The following ATP2A1 variants were observed in gnomAD, a reference collection of about 807,000 sequenced individuals.
The protein encoded by ATP2A1 is ATPase sarcoplasmic/endoplasmic reticulum Ca2+ transporting 1.
A neutral mutation model predicts 109.5 loss-of-function variants in ATP2A1; 83 were observed. The ratio of observed to expected loss-of-function variants is 0.76; its 90% CI spans 0.63 to 0.91. ATP2A1 has a LOEUF of 0.91. ATP2A1 is among the 40% of genes least tolerant of loss of function. ATP2A1 has a pLI of 0.00. For missense variants in ATP2A1, 1,101 were observed against 1,341.0 expected (o/e 0.82, Z 2.80); for synonymous variants, 505 against 537.6 (o/e 0.94, Z 0.84).
chr16:28,891,009 T>C (rs1395044833), intron 9 of ATP2A1, among the ~76,000 whole-genome samples: 1 of 151,266 alleles, frequency 6.6e-6, no homozygotes, highest in Admixed American at 6.6e-5. Flanking sequence ...TAAAAATACA[T>C]AGGAAGCTGG....
In ATP2A1 at chr16:28,898,543, T is replaced by C. The variant is rs144778561; in HGVS notation, c.1764+92T>C. 3.9e-5 allele frequency: 54 copies of C among 1,397,914 alleles called. No individual in the cohort carries two copies. The African/African-American group carries it at 7.2e-4, about 19-fold the overall frequency. 86.6% of individuals were successfully genotyped at this position (1,397,914 alleles called of 1,614,324 possible). A position where few individuals can be genotyped will look rare whatever the true frequency, so the allele number is the denominator to read the frequency against. On this transcript the variant is annotated intron_variant, in intron 14 of 22. Coordinates refer to ENST00000395503, the MANE Select transcript of ATP2A1 (RefSeq NM_004320.6). This position sits in a 1 kb window ranked among gnomAD's most constrained non-coding sequence, Gnocchi z 4.0. ...CAGCTCCACCACCCGGATCATTTCC[T>C]ACCTCGTCAGTCAAGTTGATGGCTC...
intron 3 of ATP2A1, chr16:28,879,902 G>A (rs954891937): frequency 5.3e-6 from 4 of 757,018 alleles, no homozygotes; most frequent in East Asian, 7.3e-5. Flanking sequence ...CGCGATGCCG[G>A]CTGCGGCGCG....
chr16:28,893,034 C>T (rs62037375), intron 9 of ATP2A1, among the ~76,000 whole-genome samples: 1 of 143,310 alleles, frequency 7.0e-6, no homozygotes, highest in Non-Finnish European at 1.5e-5. Context: ...AACTGCATCT[C>T]CAAAAAAAAA....
chr16:28,880,118 T>G lies in ATP2A1; in HGVS notation c.219+535T>G. ...CGGTCAGGGAGGGCACTGGCATCCC[T>G]CATTACCCGCCCAGCCTGGCCTTAG... On this transcript the variant is annotated intron_variant, in intron 3 of 22. Transcript: ENST00000395503. This position sits in a 1 kb window ranked among gnomAD's most constrained non-coding sequence, Gnocchi z 4.2. The G allele has an allele frequency of 1.0e-6, 1 of 996,844 alleles. No individual in the cohort carries two copies. Among genetic ancestry groups the G allele is most frequent in the Non-Finnish European group, 1.2e-6 (1 of 839,050 alleles). The allele number at this position is 996,844 out of a possible 1,614,324, so 61.7% of individuals were successfully genotyped here.
rs528114256 is a variant in ATP2A1 at position 28,900,977 on chromosome 16, G to A, written c.2100+61G>A. 4.8e-5 allele frequency: 76 copies of A among 1,599,506 alleles called. No individual in the cohort carries two copies. The African/African-American group carries it at 9.0e-4, about 19-fold the overall frequency. On this transcript the variant is annotated intron_variant, in intron 15 of 22. Coordinates refer to ENST00000395503, the MANE Select transcript of ATP2A1 (RefSeq NM_004320.6). ...ACGGAGATGACCAGATGACTGTGCT[G>A]GGGAGAGTGGGGCCCAGGGCCAGAG...
At chr16:28,881,909 G>C (rs1253673760) in intron 4 of ATP2A1, among the ~76,000 whole-genome samples, 2 of 151,738 alleles carry the variant, frequency 1.3e-5, no homozygotes, top group Non-Finnish European at 2.9e-5. Context: ...AGCATCTGCA[G>C]GGCAGCCTCT....
Position 28,903,037 on chromosome 16 carries a change from G to A in ATP2A1, c.2752G>A (p.Glu918Lys), listed in dbSNP as rs376101862. ...TCCCCTTCCCCTCTGCAGCCTGTCCGAGAACCAGTCCCTGCTGCGGATGCC... is the reference window on the plus strand; with the variant it reads ...TCCCCTTCCCCTCTGCAGCCTGTCCAAGAACCAGTCCCTGCTGCGGATGCC... ...EMCNALNSLSENQSLLRMPPW... is the reference protein window; with the variant it reads ...EMCNALNSLSKNQSLLRMPPW... The change falls in exon 20 of 23, where the codon GAG becomes AAG. Residue 918 changes from glutamate to lysine, a missense_variant. Coordinates refer to ENST00000395503, the MANE Select transcript of ATP2A1 (RefSeq NM_004320.6). The surrounding 1 kb of genome is among the most constrained non-coding windows in gnomAD (Gnocchi z 5.6). 6 of 1,613,558 alleles carry A rather than the reference G, an allele frequency of 3.7e-6. No individual in the cohort carries two copies. Among genetic ancestry groups the A allele is most frequent in the Admixed American group, 3.3e-5 (2 of 59,984 alleles).
chr16:28,882,715 C>T, intron 5 of ATP2A1, 126 bp downstream of exon 5: 1 of 1,445,690 alleles, frequency 6.9e-7, no homozygotes, highest in Non-Finnish European at 9.3e-7. Flanking sequence ...CTCTTTCCGA[C>T]TCCTCAGAAG....
In ATP2A1 at chr16:28,883,301, T is replaced by C. The variant is rs1963538222; in HGVS notation, c.463+712T>C. On this transcript the variant is annotated intron_variant, in intron 5 of 22. Coordinates refer to ENST00000395503, the MANE Select transcript of ATP2A1 (RefSeq NM_004320.6). This position sits in a 1 kb window ranked among gnomAD's most constrained non-coding sequence, Gnocchi z 5.2. Reference sequence around the variant, plus strand: ...TCCTTCCCTGTAGCAGACATCCGAATCACCACCCCAGGGAGCTTGGGCAGA... The same window carrying C: ...TCCTTCCCTGTAGCAGACATCCGAACCACCACCCCAGGGAGCTTGGGCAGA... 6.6e-6 allele frequency among the ~76,000 whole-genome samples: 1 copy of C among 152,166 alleles called. No individual in the cohort carries two copies. The highest frequency in any genetic ancestry group is 1.5e-5 in the Non-Finnish European group (1 of 68,010).
rs1282429038 is a variant in ATP2A1, at chr16:28,887,869, C to T, written c.928+147C>T. On this transcript the variant is annotated intron_variant, in intron 8 of 22. Coordinates refer to ENST00000395503, the MANE Select transcript of ATP2A1 (RefSeq NM_004320.6). ...AGGCTGGAGTGCAGTGGCGTGATCT[C>T]GGCTCACTGCAAGCTCCGCCTCGCG... 21 of 1,068,054 alleles carry T rather than the reference C, an allele frequency of 2.0e-5. No individual in the cohort carries two copies. The Admixed American group carries it at 2.9e-4, about 15-fold the overall frequency. The allele number at this position is 1,068,054 out of a possible 1,614,324, so 66.2% of individuals were successfully genotyped here. A position where few individuals can be genotyped will look rare whatever the true frequency, so the allele number is the denominator to read the frequency against.
At position 28,883,011 on chromosome 16, in the gene ATP2A1, G is replaced by A. The variant is rs1212229591; in HGVS notation, c.463+422G>A. 6.6e-6 allele frequency among the ~76,000 whole-genome samples: 1 copy of A among 152,242 alleles called. No homozygotes were observed. The highest frequency in any genetic ancestry group is 2.4e-5 in the African/African-American group (1 of 41,464). ...TCTCAAAGGGGAAGGAGCGAGGGCA[G>A]AAGGGAGGAGGGAGGCCGAAGGCTC... On this transcript the variant is annotated intron_variant, in intron 5 of 22. Coordinates refer to ENST00000395503, the MANE Select transcript of ATP2A1 (RefSeq NM_004320.6). The surrounding 1 kb of genome is among the most constrained non-coding windows in gnomAD (Gnocchi z 5.2).
chr16:28,900,990 C>G, intron 15 of ATP2A1, 74 bp downstream of exon 15: 1 of 1,578,454 alleles, frequency 6.3e-7, no homozygotes, highest in Non-Finnish European at 8.7e-7. Context: ...GAGAGTGGGG[C>G]CCAGGGCCAG....
chr16:28,884,128 C>T (rs752366179), intron 5 of ATP2A1, among the ~76,000 whole-genome samples: 1 of 152,168 alleles, frequency 6.6e-6, no homozygotes, highest in East Asian at 1.9e-4. Context: ...TCCCTGAGTT[C>T]TTTCCTTGCC....
At chr16:28,904,035 T>G in intron 22 of ATP2A1, 145 bp from the exon 23 acceptor site, 1 of 802,404 alleles carries the variant, frequency 1.2e-6, no homozygotes, top group Non-Finnish European at 2.1e-6. Flanking sequence ...GGGCGGGGTG[T>G]CTGGGGACGC....
At chr16:28,886,183 A>T (rs1177938833) in intron 6 of ATP2A1, among the ~76,000 whole-genome samples, 1 of 151,804 alleles carries the variant, frequency 6.6e-6, no homozygotes, top group Non-Finnish European at 1.5e-5. Flanking sequence ...AAATTTTTTT[A>T]AAAATTAGCT....
In ATP2A1 at chr16:28,887,485, G is replaced by T; in HGVS notation, c.691G>T (p.Glu231Ter). ...CGTGGCCACCACTGGTGTGGGCACCGAGATTGGGAAGATCCGAGACCAAAT... is the reference window on the plus strand; with the variant it reads ...CGTGGCCACCACTGGTGTGGGCACCTAGATTGGGAAGATCCGAGACCAAAT... Reference protein sequence around the residue: ...GIVATTGVGTEIGKIRDQMAA... With the variant: ...GIVATTGVGT Residue 231 changes from glutamate (E) to a stop codon, truncating the protein, a stop_gained, in exon 8 of 23, where the codon GAG becomes TAG. Coordinates refer to ENST00000395503, the MANE Select transcript of ATP2A1 (RefSeq NM_004320.6). LOFTEE classifies it high-confidence loss of function. 1 of 1,614,114 alleles carries T rather than the reference G, an allele frequency of 6.2e-7. No individual in the cohort carries two copies. Among genetic ancestry groups the T allele is most frequent in the Non-Finnish European group, 8.5e-7 (1 of 1,180,020 alleles).
At position 28,880,395 on chromosome 16, in the gene ATP2A1, C is replaced by T. The variant is rs777677586; in HGVS notation, c.220-520C>T. 1.3e-5 allele frequency among the ~76,000 whole-genome samples: 2 copies of T among 152,278 alleles called. No homozygotes were observed. The highest frequency in any genetic ancestry group is 4.8e-5 in the African/African-American group (2 of 41,474). On this transcript the variant is annotated intron_variant, in intron 3 of 22. Coordinates refer to ENST00000395503, the MANE Select transcript of ATP2A1 (RefSeq NM_004320.6). The surrounding 1 kb of genome is among the most constrained non-coding windows in gnomAD (Gnocchi z 4.2). ...CTCCTCTCCCTTCTCAGATTTGCTC[C>T]TTGACATTTGCCTGCTGCCTGGCGG...
intron 15 of ATP2A1, 73 bp downstream of exon 15, chr16:28,900,989 G>A: frequency 1.3e-6 from 2 of 1,581,034 alleles, no homozygotes; most frequent in Non-Finnish European, 8.7e-7. Flanking sequence ...GGAGAGTGGG[G>A]CCCAGGGCCA....
intron 8 of ATP2A1, among the ~76,000 whole-genome samples, chr16:28,888,553 C>T (rs1415330142): frequency 6.6e-6 from 1 of 152,044 alleles, no homozygotes; most frequent in Non-Finnish European, 1.5e-5. Context: ...GTACCACAGG[C>T]AATCACCACC....
Sources: gnomAD v4.1 joint callset for allele counts (sites outside exome capture counted in the v4.1 genomes callset) on GRCh38, gnomAD v4.1.1 for gene constraint, Gnocchi (gnomAD v3.1) non-coding constraint, MANE v1.5 for transcripts, NCBI Gene and HGNC (gene_info 2026-07-23, HGNC 2026-07-21) for gene names.